Variants in KCNMA1 observed in about 807,000 individuals in gnomAD.
KCNMA1 encodes the protein potassium calcium-activated channel subfamily M alpha 1.
Under a neutral mutation model 140.0 loss-of-function variants are expected in KCNMA1, and 29 were observed. That is an observed-to-expected ratio of 0.21 (90% CI 0.15 to 0.28). The LOEUF (loss-of-function observed/expected upper bound fraction) is 0.28. Ranked by LOEUF, KCNMA1 falls within the 10% of genes least tolerant of loss-of-function variation. KCNMA1 has a pLI of 1.00. For missense variants in KCNMA1, 880 were observed against 1,602.2 expected, an observed-to-expected ratio of 0.55 and a Z score of 7.70; for synonymous variants, 612 against 611.9, an observed-to-expected ratio of 1.00 and a Z score of 0.00.
At chr10:77,134,997 CAAAAAAAAAAAAAAA>C (rs71028253) in intron 5 of KCNMA1, among the ~76,000 whole-genome samples, 7 of 11,768 alleles carry the variant, frequency 5.9e-4, no homozygotes, top group African/African-American at 9.3e-4. Context: ...GACTCTGTCT[CAAAAAAAAAAAAAAA>C]AAAAAAAAAA....
At chr10:76,888,648 T>C (rs1015674990) in intron 27 of KCNMA1, among the ~76,000 whole-genome samples, 2 of 152,336 alleles carry the variant, frequency 1.3e-5, no homozygotes, top group African/African-American at 4.8e-5. Flanking sequence ...TCTAAACTGT[T>C]ATTTCTCTGC....
At chr10:77,545,529 A>G (rs1430280711) in intron 1 of KCNMA1, among the ~76,000 whole-genome samples, 1 of 152,168 alleles carries the variant, frequency 6.6e-6, no homozygotes, top group Non-Finnish European at 1.5e-5. Flanking sequence ...ACATGCAGAC[A>G]TGAGAGCCTG....
chr10:77,600,217 T>C (rs767035789), intron 1 of KCNMA1, among the ~76,000 whole-genome samples: 2 of 152,164 alleles, frequency 1.3e-5, no homozygotes, highest in Non-Finnish European at 2.9e-5. Context: ...GATGAGAATG[T>C]CCCCATGACA....
At chr10:76,895,568 A>T (rs191347552) in intron 25 of KCNMA1, among the ~76,000 whole-genome samples, 2 of 152,334 alleles carry the variant, frequency 1.3e-5, no homozygotes, top group African/African-American at 4.8e-5. Context: ...TGCATGCACA[A>T]AATGTATTAT....
chr10:77,493,368 C>G (rs2040640701), intron 1 of KCNMA1, among the ~76,000 whole-genome samples: 1 of 152,212 alleles, frequency 6.6e-6, no homozygotes, highest in Non-Finnish European at 1.5e-5. Flanking sequence ...GCAAGCTGCC[C>G]CCAGGGACCC....
At chr10:77,075,574 T>A (rs1212755724) in intron 13 of KCNMA1, among the ~76,000 whole-genome samples, 1 of 152,220 alleles carries the variant, frequency 6.6e-6, no homozygotes, top group Non-Finnish European at 1.5e-5. Flanking sequence ...GGGTCCCCCA[T>A]GGCCCTGTCT....
intron 2 of KCNMA1, among the ~76,000 whole-genome samples, chr10:77,332,218 C>T (rs2086699907): frequency 6.6e-6 from 1 of 152,008 alleles, no homozygotes; most frequent in South Asian, 2.1e-4. Flanking sequence ...AAAGCGTGCA[C>T]AGGAGTTGGC....
At position 77,371,974 on chromosome 10, in the gene KCNMA1, C is replaced by T. The variant is rs571799678; in HGVS notation, c.540+31888G>A. On this transcript the variant is annotated intron_variant, in intron 2 of 27. Transcript: ENST00000286628. The stretch of plus-strand genomic sequence containing the variant: ...AAGCATGGAGTCAACAGTTATCTTA[C>T]CTACCTTCACATAGTTGGTTCTTCC... Among the ~76,000 whole-genome samples the T allele has an allele frequency of 3.3e-5, 5 of 152,336 alleles. No homozygotes were observed. The East Asian group carries it at 9.6e-4, about 29-fold the overall frequency.
chr10:77,011,813 T>A (rs539710340), intron 18 of KCNMA1, among the ~76,000 whole-genome samples, 154 bp downstream of exon 18: 1 of 152,310 alleles, frequency 6.6e-6, no homozygotes, highest in South Asian at 2.1e-4. Context: ...GGACAGGTAT[T>A]TATTTCATAT....
rs546922860 is a variant in KCNMA1 at position 77,303,555 on chromosome 10, G to A, written c.541-52299C>T. 2.0e-4 allele frequency among the ~76,000 whole-genome samples: 31 copies of A among 152,104 alleles called. No individual in the cohort carries two copies. The South Asian group carries it at 6.2e-3, about 31-fold the overall frequency. On this transcript the variant is annotated intron_variant, in intron 2 of 27. Coordinates refer to ENST00000286628, the MANE Select transcript of KCNMA1 (RefSeq NM_001161352.2). ...GAATGTTTCAGTAAATTTCCTAAAG[G>A]AAACAAAAAACTCATAGATGATATA...
intron 2 of KCNMA1, among the ~76,000 whole-genome samples, chr10:77,377,745 A>G (rs1167212913): frequency 1.3e-5 from 2 of 152,160 alleles, no homozygotes; most frequent in East Asian, 1.9e-4. Context: ...AGATCCTGGG[A>G]AGTAGAGGCT....
At chr10:77,252,759 A>G (rs1476565486) in intron 2 of KCNMA1, among the ~76,000 whole-genome samples, 2 of 152,106 alleles carry the variant, frequency 1.3e-5, no homozygotes, top group Non-Finnish European at 2.9e-5. Flanking sequence ...CCAGAAAATG[A>G]CCATTAAAAA....
chr10:77,436,204 C>T (rs997114636), intron 1 of KCNMA1, among the ~76,000 whole-genome samples: 7 of 152,232 alleles, frequency 4.6e-5, no homozygotes, highest in African/African-American at 1.7e-4. Context: ...CTGGCCTTCA[C>T]AGGCCACATA....
chr10:76,921,726 C>A (rs1036079174), intron 23 of KCNMA1, among the ~76,000 whole-genome samples: 1 of 152,128 alleles, frequency 6.6e-6, no homozygotes, highest in Non-Finnish European at 1.5e-5. Context: ...TATAGAAGCA[C>A]AATTGCTTTC....
At chr10:76,875,672 C>T (rs141667052), downstream of KCNMA1, 8 of 152,200 alleles carry the variant, frequency 5.3e-5, no homozygotes, top group African/African-American at 1.4e-4. Context: ...GTGAAGAGCC[C>T]ACTATGGTTC....
intron 4 of KCNMA1, among the ~76,000 whole-genome samples, 182 bp downstream of exon 4, chr10:77,184,641 T>C (rs961809789): frequency 6.6e-6 from 1 of 152,224 alleles, no homozygotes; most frequent in Non-Finnish European, 1.5e-5. Flanking sequence ...ACAAAACTGA[T>C]GTGAATTCCA....
rs911192561 is a variant in KCNMA1 at position 77,599,987 on chromosome 10, T to G, written c.378+37278A>C. Among the ~76,000 whole-genome samples the G allele has an allele frequency of 7.2e-5, 11 of 152,146 alleles. No homozygotes were observed. In the East Asian group the frequency reaches 2.1e-3, roughly 29 times the overall value. ...GCCACAGACTTGTCCCTGTGTGAAG[T>G]CACAAGAGAAAGCTCACTGCCAACC... On this transcript the variant is annotated intron_variant, in intron 1 of 27. Transcript: ENST00000286628.
intron 19 of KCNMA1, among the ~76,000 whole-genome samples, chr10:76,996,215 A>G (rs1282048054): frequency 3.9e-5 from 6 of 152,202 alleles, no homozygotes; most frequent in African/African-American, 1.2e-4. Flanking sequence ...TCTCAAAGGC[A>G]ATTTTGCCCA....
chr10:77,435,580 T>C (rs960236809), intron 1 of KCNMA1, among the ~76,000 whole-genome samples: 2 of 152,228 alleles, frequency 1.3e-5, no homozygotes, highest in African/African-American at 4.8e-5. Flanking sequence ...CCTGTCCATA[T>C]ATCACTAGAA....
Sources: allele counts gnomAD v4.1 joint callset (sites outside exome capture counted in the v4.1 genomes callset), GRCh38; gene constraint gnomAD v4.1.1; transcripts MANE v1.5; gene names NCBI Gene and HGNC (gene_info 2026-07-23, HGNC 2026-07-21).